Variants in IL1RAPL2 observed in about 807,000 individuals in gnomAD.
The protein encoded by IL1RAPL2 is X-linked interleukin-1 receptor accessory protein-like 2.
Under a neutral mutation model 44.1 loss-of-function variants are expected in IL1RAPL2, and 3 were observed. The ratio of observed to expected loss-of-function variants is 0.07; its 90% CI spans 0.03 to 0.18. The LOEUF (loss-of-function observed/expected upper bound fraction) is 0.18, where lower values mean the gene tolerates loss of function less well. Ranked by LOEUF, IL1RAPL2 falls within the 10% of genes least tolerant of loss-of-function variation. IL1RAPL2 has a pLI of 1.00. For synonymous variants in IL1RAPL2, 181 were observed against 178.8 expected, an observed-to-expected ratio of 1.01 and a Z score of -0.10; for missense variants, 391 against 496.4, an observed-to-expected ratio of 0.79 and a Z score of 2.02.
chrX:105,690,041 G>C (rs1462689514), intron 6 of IL1RAPL2, among the ~76,000 whole-genome samples: 2 of 110,505 alleles, frequency 1.8e-5, no homozygotes, highest in Non-Finnish European at 3.8e-5. Context: ...ACACGGGTCA[G>C]GGAACATGAC....
At chrX:105,315,433 T>C (rs1264316619) in intron 5 of IL1RAPL2, among the ~76,000 whole-genome samples, 1 of 103,805 alleles carries the variant, frequency 9.6e-6, no homozygotes, top group Non-Finnish European at 2.0e-5. Context: ...CATTTTAAAG[T>C]GTATGATTCA....
chrX:105,182,551 C>T (rs1556131550), intron 2 of IL1RAPL2, among the ~76,000 whole-genome samples: 2 of 74,367 alleles, frequency 2.7e-5, no homozygotes, highest in Non-Finnish European at 5.1e-5. Context: ...GTAGGCAGCA[C>T]GTAGTTGGGT....
At chrX:105,039,903 A>C (rs928002655) in intron 2 of IL1RAPL2, among the ~76,000 whole-genome samples, 10 of 110,734 alleles carry the variant, frequency 9.0e-5, no homozygotes, top group East Asian at 2.8e-4. Context: ...CCTGGCCAGA[A>C]CTTCCAACAC....
chrX:105,700,171 C>T (rs2038108204), intron 6 of IL1RAPL2, among the ~76,000 whole-genome samples: 1 of 111,091 alleles, frequency 9.0e-6, no homozygotes, highest in African/African-American at 3.3e-5. Context: ...CTAAGTTGTT[C>T]AGTAAGAGTC....
chrX:104,970,518 G>A (rs1319405522), intron 2 of IL1RAPL2, among the ~76,000 whole-genome samples: 1 of 111,770 alleles, frequency 8.9e-6, no homozygotes, highest in African/African-American at 3.3e-5. Context: ...TTAATTATGT[G>A]CAAATTAAGA....
intron 5 of IL1RAPL2, among the ~76,000 whole-genome samples, chrX:105,283,473 C>A (rs1002053731): frequency 2.7e-5 from 3 of 110,150 alleles, no homozygotes; most frequent in Admixed American, 2.0e-4. Flanking sequence ...TGGCTTGGGT[C>A]AGAAGGGTAG....
chrX:105,235,424 A>C (rs782456646), intron 4 of IL1RAPL2, among the ~76,000 whole-genome samples: 54 of 111,556 alleles, frequency 4.8e-4, no homozygotes, highest in Non-Finnish European at 7.5e-4. Context: ...AACCAAACAC[A>C]CATAAAAGGT....
chrX:105,478,833 T>A (rs1602430027), intron 5 of IL1RAPL2, among the ~76,000 whole-genome samples: 1 of 111,986 alleles, frequency 8.9e-6, no homozygotes, highest in East Asian at 2.8e-4. Context: ...TTGGAGATTG[T>A]GTTTATTTGT....
intron 2 of IL1RAPL2, among the ~76,000 whole-genome samples, chrX:105,041,685 C>T (rs1180086371): frequency 9.2e-6 from 1 of 108,899 alleles, no homozygotes; most frequent in African/African-American, 3.4e-5. Context: ...CCATCCCCAT[C>T]AAGCTACCAA....
intron 5 of IL1RAPL2, chrX:105,406,669 A>G: frequency 8.8e-7 from 1 of 1,142,346 alleles, no homozygotes; most frequent in Non-Finnish European, 1.2e-6. Flanking sequence ...GAATGAGCTG[A>G]TCTCTGGATC....
At chrX:105,288,696 C>T (rs1216045591) in intron 5 of IL1RAPL2, among the ~76,000 whole-genome samples, 1 of 110,054 alleles carries the variant, frequency 9.1e-6, no homozygotes, top group Non-Finnish European at 1.9e-5. Context: ...ATGTGTAGCC[C>T]TAAAAAGTTG....
rs190816626 is a variant in IL1RAPL2 at position 105,448,140 on chromosome X, T to C, written c.698-36173T>C. On this transcript the variant is annotated intron_variant, in intron 5 of 10. Transcript: ENST00000372582. ...TGAAGATCCATTATATGTTATTTGC[T>C]TCTTTTCTCTTATTGTTTTTAGGAT... Among the ~76,000 whole-genome samples, 196 of 107,842 alleles carry C rather than the reference T, an allele frequency of 1.8e-3. 1 individual carries two copies. The highest frequency in any genetic ancestry group is 6.5e-3 in the African/African-American group (192 of 29,715). 93.6% of individuals were successfully genotyped at this position (107,842 alleles called of 115,157 possible).
intron 6 of IL1RAPL2, among the ~76,000 whole-genome samples, chrX:105,693,347 G>A (rs757649262): frequency 1.1e-4 from 12 of 111,562 alleles, no homozygotes; most frequent in East Asian, 2.8e-4. Context: ...CCCTCGTGAC[G>A]GTCTTGGTGC....
chrX:104,873,297 A>G (rs1922813385), intron 2 of IL1RAPL2, among the ~76,000 whole-genome samples: 1 of 111,601 alleles, frequency 9.0e-6, no homozygotes, highest in Non-Finnish European at 1.9e-5. Context: ...GTTACCTCCA[A>G]AAAAGCCCTA....
intron 2 of IL1RAPL2, among the ~76,000 whole-genome samples, chrX:105,034,969 A>G (rs5916851): frequency 5.7e-5 from 6 of 104,991 alleles, no homozygotes; most frequent in East Asian, 5.9e-4. Context: ...CCTGGCTGCC[A>G]CCTTGCAGTT....
At chrX:104,831,572 C>T (rs752818369) in intron 2 of IL1RAPL2, among the ~76,000 whole-genome samples, 20 of 111,634 alleles carry the variant, frequency 1.8e-4, no homozygotes, top group Non-Finnish European at 3.6e-4. Flanking sequence ...TGAGTTTCAG[C>T]ATTATATTGC....
At chrX:105,501,676 A>T (rs1193268378) in intron 6 of IL1RAPL2, among the ~76,000 whole-genome samples, 3 of 111,777 alleles carry the variant, frequency 2.7e-5, no homozygotes, top group Non-Finnish European at 5.6e-5. Flanking sequence ...TTAAAATTGC[A>T]AGGAAACTCC....
chrX:104,573,421 G>T (rs1323388681), intron 1 of IL1RAPL2, among the ~76,000 whole-genome samples: 4 of 112,160 alleles, frequency 3.6e-5, no homozygotes, highest in Non-Finnish European at 7.5e-5. Context: ...CCCATCACCA[G>T]AGTAAGTTCT....
At chrX:104,771,842 G>T (rs1932645935) in intron 2 of IL1RAPL2, among the ~76,000 whole-genome samples, 1 of 111,821 alleles carries the variant, frequency 8.9e-6, no homozygotes, top group African/African-American at 3.3e-5. Context: ...AGTAGATTTT[G>T]ATTGGGCATA....
Sources: allele counts gnomAD v4.1 joint callset (sites outside exome capture counted in the v4.1 genomes callset), GRCh38; gene constraint gnomAD v4.1.1; transcripts MANE v1.5; gene names NCBI Gene and HGNC (gene_info 2026-07-23, HGNC 2026-07-21).